The following NELL1 variants were observed in gnomAD, a reference collection of about 807,000 sequenced individuals.
The protein encoded by NELL1 is neural EGFL like 1.
In NELL1, 76 loss-of-function variants were observed where a neutral mutation model predicts 107.4. That is an observed-to-expected ratio of 0.71 (90% CI 0.59 to 0.86). NELL1 has a LOEUF of 0.86. Ranked by LOEUF, NELL1 falls within the 40% of genes least tolerant of loss-of-function variation. The pLI is 0.00. For missense variants in NELL1, 1,024 were observed against 1,005.5 expected, an observed-to-expected ratio of 1.02 and a Z score of -0.25; for synonymous variants, 353 against 341.2, an observed-to-expected ratio of 1.03 and a Z score of -0.38.
chr11:21,048,331 G>A (rs940199), intron 12 of NELL1, among the ~76,000 whole-genome samples: 50,716 of 151,864 alleles, frequency 0.33, 9,638 homozygotes, highest in East Asian at 0.58. Context: ...TGTTTCCTAG[G>A]AAGTTATCTG....
chr11:21,305,755 C>T (rs559437977), intron 14 of NELL1, among the ~76,000 whole-genome samples: 12 of 151,910 alleles, frequency 7.9e-5, no homozygotes, highest in African/African-American at 2.9e-4. Context: ...ACATTTGTTA[C>T]AAGCATTTCA....
intron 12 of NELL1, among the ~76,000 whole-genome samples, chr11:21,101,585 G>C (rs937733194): frequency 4.6e-5 from 7 of 151,960 alleles, no homozygotes; most frequent in African/African-American, 1.7e-4. Context: ...TTCTCTGATG[G>C]CCAGTGATGA....
chr11:20,854,028 C>T (rs1246469686), intron 4 of NELL1, among the ~76,000 whole-genome samples: 1 of 152,124 alleles, frequency 6.6e-6, no homozygotes, highest in African/African-American at 2.4e-5. Flanking sequence ...CTCCCCACCA[C>T]TCATGAGGCA....
chr11:20,847,819 A>T (rs920045906), intron 4 of NELL1, 66 bp downstream of exon 4: 87 of 1,481,532 alleles, frequency 5.9e-5, no homozygotes, highest in Non-Finnish European at 6.9e-5. Flanking sequence ...AAGGGGAAAA[A>T]ATATCAAATT....
At chr11:21,021,572 AC>A (rs920389133) in intron 12 of NELL1, among the ~76,000 whole-genome samples, 1 of 152,064 alleles carries the variant, frequency 6.6e-6, no homozygotes, top group Non-Finnish European at 1.5e-5. Flanking sequence ...TTAGAGAAGC[AC>A]CTGTGTAAAT....
intron 14 of NELL1, among the ~76,000 whole-genome samples, chr11:21,246,918 G>C (rs184907059): frequency 1.4e-4 from 22 of 152,220 alleles, no homozygotes; most frequent in African/African-American, 5.3e-4. Flanking sequence ...GAACAGTATG[G>C]GGGAACCGCC....
At chr11:21,552,153 G>A (rs7930710) in intron 16 of NELL1, among the ~76,000 whole-genome samples, 1 of 103,314 alleles carries the variant, frequency 9.7e-6, no homozygotes, top group Non-Finnish European at 1.9e-5. Flanking sequence ...GGGGGGAGGG[G>A]GGAGGGATAG....
intron 14 of NELL1, among the ~76,000 whole-genome samples, chr11:21,271,272 A>C (rs1848734152): frequency 6.6e-6 from 1 of 152,180 alleles, no homozygotes; most frequent in African/African-American, 2.4e-5. Context: ...AAGAAGGAAG[A>C]CAAATCACTA....
chr11:20,734,092 C>G (rs1252990043), intron 2 of NELL1, among the ~76,000 whole-genome samples: 1 of 152,086 alleles, frequency 6.6e-6, no homozygotes, highest in African/African-American at 2.4e-5. Context: ...ATTTCCTACT[C>G]CAGGAGAAGG....
intron 12 of NELL1, among the ~76,000 whole-genome samples, chr11:20,981,934 A>G (rs559757229): frequency 2.1e-4 from 31 of 148,838 alleles, no homozygotes; most frequent in Non-Finnish European, 3.9e-4. Flanking sequence ...GGCTCAAACA[A>G]TGTCACCAGG....
intron 10 of NELL1, among the ~76,000 whole-genome samples, chr11:20,938,918 C>CTG (rs1590438991): frequency 1.3e-5 from 1 of 76,006 alleles, no homozygotes; most frequent in East Asian, 4.8e-4. Context: ...GTCTCTCTCT[C>CTG]TCTCTCTCTC....
chr11:21,370,919 C>G lies in NELL1; in HGVS notation c.1616C>G (p.Ser539Cys), dbSNP rs1851345898. 2 of 1,611,456 alleles carry G rather than the reference C, an allele frequency of 1.2e-6. No individual in the cohort carries two copies. The highest frequency in any genetic ancestry group is 1.7e-6 in the Non-Finnish European group (2 of 1,178,714). The change falls in exon 15 of 20, where the codon TCT (serine) becomes TGT (cysteine). Residue 539 changes from serine to cysteine, a missense_variant. Transcript: ENST00000357134. ...CVAPNKCVCP[S>C]GFTGSHCEKD... is the part of the protein sequence containing the mutation. ...GCTCCCAACAAATGTGTCTGTCCAT[C>G]TGGATTCACAGGAAGCCACTGCGAG...
intron 15 of NELL1, among the ~76,000 whole-genome samples, chr11:21,417,948 T>C (rs775708514): frequency 7.9e-5 from 12 of 152,134 alleles, no homozygotes; most frequent in Admixed American, 2.0e-4. Context: ...TTCTTCTTTT[T>C]AATCACCATT....
intron 12 of NELL1, among the ~76,000 whole-genome samples, chr11:21,087,590 G>A (rs1241766968): frequency 6.6e-6 from 1 of 152,082 alleles, no homozygotes; most frequent in Non-Finnish European, 1.5e-5. Context: ...AAAACCTGAT[G>A]TCCTGGGAAG....
chr11:21,077,485 G>A (rs1854165297), intron 12 of NELL1, among the ~76,000 whole-genome samples: 1 of 152,190 alleles, frequency 6.6e-6, no homozygotes, highest in Non-Finnish European at 1.5e-5. Context: ...GCTCACGCCT[G>A]TAATCACAGC....
intron 3 of NELL1, among the ~76,000 whole-genome samples, chr11:20,792,300 G>A (rs904967809): frequency 2.0e-5 from 3 of 151,716 alleles, no homozygotes; most frequent in African/African-American, 4.8e-5. Flanking sequence ...TTATATTAGC[G>A]ATTTCTTTTT....
At chr11:21,434,271 C>G (rs1438652188) in intron 15 of NELL1, among the ~76,000 whole-genome samples, 1 of 152,016 alleles carries the variant, frequency 6.6e-6, no homozygotes, top group Non-Finnish European at 1.5e-5. Flanking sequence ...GTACCAAGAC[C>G]AATGTTCTGA....
intron 13 of NELL1, among the ~76,000 whole-genome samples, chr11:21,219,160 G>A (rs150484715): frequency 2.6e-5 from 4 of 152,120 alleles, no homozygotes; most frequent in South Asian, 2.1e-4. Flanking sequence ...CTATCTTTTC[G>A]ATATAGGCCA....
At chr11:20,853,473 G>A (rs12273465) in intron 4 of NELL1, among the ~76,000 whole-genome samples, 4,537 of 152,148 alleles carry the variant, frequency 0.03, 85 homozygotes, top group Middle Eastern at 0.054. Context: ...CAGAAACTGC[G>A]CTTGCATCTG....
Sources: allele counts gnomAD v4.1 joint callset (sites outside exome capture counted in the v4.1 genomes callset), GRCh38; gene constraint gnomAD v4.1.1; transcripts MANE v1.5; gene names NCBI Gene and HGNC (gene_info 2026-07-23, HGNC 2026-07-21).